The following CSMD3 variants were observed in gnomAD, a reference collection of about 807,000 sequenced individuals.
CSMD3 encodes CUB and Sushi multiple domains 3, also known as CUB and sushi domain-containing protein 3.
Under a neutral mutation model 435.2 loss-of-function variants are expected in CSMD3, and 177 were observed. The observed-to-expected ratio is 0.41, with a 90% CI of 0.36 to 0.46. CSMD3 has a LOEUF of 0.46. Ranked by LOEUF, CSMD3 falls within the 20% of genes least tolerant of loss-of-function variation. The pLI is 0.34. For missense variants in CSMD3, 4,265 were observed against 4,504.6 expected (o/e 0.95, Z 1.52); for synonymous variants, 1,656 against 1,520.5 (o/e 1.09, Z -2.07).
intron 3 of CSMD3, among the ~76,000 whole-genome samples, chr8:113,198,072 A>T (rs1339687285): frequency 1.3e-5 from 2 of 151,456 alleles, no homozygotes; most frequent in African/African-American, 4.8e-5. Context: ...TTTCTGTAAT[A>T]CATCTAAAAA....
At chr8:112,704,044 T>C (rs1797924788) in intron 13 of CSMD3, among the ~76,000 whole-genome samples, 1 of 152,120 alleles carries the variant, frequency 6.6e-6, no homozygotes, top group Non-Finnish European at 1.5e-5. Context: ...GGTTTCCATT[T>C]TACACAGAGC....
chr8:113,124,289 T>G (rs1409746399), intron 4 of CSMD3, among the ~76,000 whole-genome samples: 1 of 151,970 alleles, frequency 6.6e-6, no homozygotes, highest in Non-Finnish European at 1.5e-5. Context: ...TTAAGAATTA[T>G]CTCAGAGGAA....
intron 1 of CSMD3, among the ~76,000 whole-genome samples, chr8:113,392,144 G>T (rs868190046): frequency 1.1e-4 from 17 of 151,998 alleles, no homozygotes; most frequent in African/African-American, 3.6e-4. Context: ...AAATTACAAA[G>T]AATTTTTGTT....
Position 112,405,222 on chromosome 8 carries a change from T to TATATATATATATATATATAC in CSMD3, c.5809+1301_5809+1302insGTATATATATATATATATAT, listed in dbSNP as rs1563904394. On this transcript the variant is annotated intron_variant, in intron 35 of 70. Transcript: ENST00000297405. ...AAAAAAAAAAAAACCCCCATATATA[T>TATATATATATATATATATAC]ATATATATATATATATATATATATA... 2.9e-4 allele frequency among the ~76,000 whole-genome samples: 15 copies of TATATATATATATATATATAC among 52,406 alleles called. No individual in the cohort carries two copies. The East Asian group carries it at 0.013, about 44-fold the overall frequency. 34.4% of individuals were successfully genotyped at this position (52,406 alleles called of 152,430 possible).
rs754425114 is a variant in CSMD3 at position 112,406,592 on chromosome 8, A to G, written c.5741T>C (p.Ile1914Thr). ...GGGCACTGTTTCACACCTAATTGCT[A>G]TGGATCCATGGAGAATATATCCTGG... ...CNPGYILHGS[I>T]AIRCETVPNS... Residue 1914 changes from isoleucine (I) to threonine (T), a missense_variant, in exon 35 of 71, where the codon ATA becomes ACA. Transcript: ENST00000297405. 2 of 1,612,712 alleles carry G rather than the reference A, an allele frequency of 1.2e-6. No homozygotes were observed. The highest frequency in any genetic ancestry group is 4.5e-5 in the East Asian group (2 of 44,784).
intron 13 of CSMD3, among the ~76,000 whole-genome samples, chr8:112,700,982 G>A (rs2076377085): frequency 6.6e-6 from 1 of 152,108 alleles, no homozygotes; most frequent in African/African-American, 2.4e-5. Flanking sequence ...ATTCAGCTGT[G>A]TTTCTTGTGA....
At chr8:112,750,544 T>C (rs1485729034) in intron 13 of CSMD3, among the ~76,000 whole-genome samples, 2 of 152,006 alleles carry the variant, frequency 1.3e-5, no homozygotes, top group Non-Finnish European at 1.5e-5. Flanking sequence ...ATAGTAAAAT[T>C]TTTAACAGTA....
Position 112,352,585 on chromosome 8 carries a change from T to C in CSMD3, c.6137-51A>G, listed in dbSNP as rs186575108. ...TAAGTAACTTTCAAGTGATAAATGC[T>C]TAAGTTATGCATATTAAGTTGCTAA... On this transcript the variant is annotated intron_variant, in intron 38 of 70. Coordinates refer to ENST00000297405, the MANE Select transcript of CSMD3 (RefSeq NM_198123.2). The C allele has an allele frequency of 1.1e-3, 1,562 of 1,479,462 alleles. 1 individual carries two copies. The highest frequency in any genetic ancestry group is 1.3e-3 in the Non-Finnish European group (1,431 of 1,062,010). 91.6% of individuals were successfully genotyped at this position (1,479,462 alleles called of 1,614,324 possible). A position where few individuals can be genotyped will look rare whatever the true frequency, so the allele number is the denominator to read the frequency against.
intron 1 of CSMD3, among the ~76,000 whole-genome samples, chr8:113,346,168 G>A (rs1244339483): frequency 1.3e-5 from 2 of 151,950 alleles, no homozygotes; most frequent in African/African-American, 2.4e-5. Context: ...CCATGGGAGA[G>A]GAGGACGTTT....
chr8:112,233,269 A>G (rs971249904), intron 68 of CSMD3, among the ~76,000 whole-genome samples: 1 of 152,206 alleles, frequency 6.6e-6, no homozygotes, highest in Admixed American at 6.5e-5. Flanking sequence ...CACTCTAAAA[A>G]GCAAAGGATA....
intron 5 of CSMD3, among the ~76,000 whole-genome samples, chr8:113,090,628 CTG>C (rs1216843484): frequency 1.3e-5 from 2 of 152,126 alleles, no homozygotes; most frequent in Non-Finnish European, 2.9e-5. Flanking sequence ...CCCATCCACA[CTG>C]TGCTTTGCCA....
intron 2 of CSMD3, among the ~76,000 whole-genome samples, chr8:113,308,897 T>G (rs983506007): frequency 3.9e-5 from 6 of 152,160 alleles, no homozygotes; most frequent in African/African-American, 1.4e-4. Context: ...AACCAACATA[T>G]TAAAATCAGC....
chr8:113,346,073 T>C (rs2094149179), intron 1 of CSMD3, among the ~76,000 whole-genome samples: 1 of 152,108 alleles, frequency 6.6e-6, no homozygotes. Context: ...TTTTGGATTA[T>C]TCAAGGTATT....
At chr8:113,055,602 A>G (rs1214368047) in intron 5 of CSMD3, among the ~76,000 whole-genome samples, 2 of 152,222 alleles carry the variant, frequency 1.3e-5, no homozygotes, top group Non-Finnish European at 1.5e-5. Context: ...GTATAAAATT[A>G]TGATGTGAAT....
At position 113,298,348 on chromosome 8, in the gene CSMD3, TATG is replaced by T. The variant is rs978140259; in HGVS notation, c.401+16220_401+16222del. Among the ~76,000 whole-genome samples the T allele has an allele frequency of 2.2e-4, 33 of 152,258 alleles. 1 individual carries two copies. The highest frequency in any genetic ancestry group is 1.6e-3 in the Admixed American group (25 of 15,284). ...TTTTTCTAAAATAACAAGACATTGA[TATG>T]ATAATAGTGGGATTCATTTTATAAC... On this transcript the variant is annotated intron_variant, in intron 2 of 70. Coordinates refer to ENST00000297405, the MANE Select transcript of CSMD3 (RefSeq NM_198123.2).
At chr8:113,169,627 T>A in intron 4 of CSMD3, among the ~76,000 whole-genome samples, 1 of 152,210 alleles carries the variant, frequency 6.6e-6, no homozygotes, top group East Asian at 1.9e-4. Context: ...ATATGTTAAC[T>A]CTTCCATCAA....
chr8:113,197,308 T>TAA (rs890051841), intron 3 of CSMD3, among the ~76,000 whole-genome samples: 16 of 151,096 alleles, frequency 1.1e-4, no homozygotes, highest in East Asian at 5.8e-4. Context: ...TATATATATA[T>TAA]AACACACATA....
chr8:113,228,861 A>G (rs79216044), intron 3 of CSMD3, among the ~76,000 whole-genome samples: 284 of 151,732 alleles, frequency 1.9e-3, no homozygotes, highest in South Asian at 9.7e-3. Context: ...TGTAGAAATA[A>G]CTGACGTGTA....
chr8:112,525,393 C>A, intron 27 of CSMD3, among the ~76,000 whole-genome samples: 1 of 148,436 alleles, frequency 6.7e-6, no homozygotes, highest in Non-Finnish European at 1.5e-5. Flanking sequence ...TTATTCTATC[C>A]CAGAATAAAG....
Sources: gnomAD v4.1 joint callset for allele counts (sites outside exome capture counted in the v4.1 genomes callset) on GRCh38, gnomAD v4.1.1 for gene constraint, MANE v1.5 for transcripts, NCBI Gene and HGNC (gene_info 2026-07-23, HGNC 2026-07-21) for gene names.